Variants in VEPH1 observed in about 807,000 individuals in gnomAD.
The protein encoded by VEPH1 is ventricular zone-expressed PH domain-containing protein homolog 1.
Under a neutral mutation model 85.2 loss-of-function variants are expected in VEPH1, and 80 were observed. The observed-to-expected ratio is 0.94, with a 90% CI of 0.78 to 1.13. VEPH1 has a LOEUF of 1.13. Among genes scored for constraint, VEPH1 ranks in the 50% most tolerant of loss-of-function variants. The pLI, the probability that VEPH1 is intolerant of heterozygous loss-of-function variation, is 0.00. For missense variants in VEPH1, 955 were observed against 980.5 expected, an observed-to-expected ratio of 0.97 and a Z score of 0.35; for synonymous variants, 297 against 348.0, an observed-to-expected ratio of 0.85 and a Z score of 1.63.
intron 4 of VEPH1, chr3:157,437,917 A>T: frequency 6.5e-7 from 1 of 1,527,416 alleles, no homozygotes; most frequent in Non-Finnish European, 8.7e-7. Flanking sequence ...GCCGGCAGGT[A>T]AGGAGGCAAG....
chr3:157,273,272 G>C (rs1163141599), intron 12 of VEPH1, among the ~76,000 whole-genome samples: 2 of 152,184 alleles, frequency 1.3e-5, no homozygotes, highest in African/African-American at 4.8e-5. Flanking sequence ...GCACATGCCA[G>C]GTAAAGGGGA....
chr3:157,463,610 G>A (rs1033904886), intron 3 of VEPH1, among the ~76,000 whole-genome samples: 1 of 152,122 alleles, frequency 6.6e-6, no homozygotes, highest in Non-Finnish European at 1.5e-5. Context: ...TTCCCCAGAG[G>A]TTAGTGCTCA....
At chr3:157,415,073 T>C (rs1454701452) in intron 5 of VEPH1, 1 of 152,238 alleles carries the variant, frequency 6.6e-6, no homozygotes, top group Non-Finnish European at 1.5e-5. Flanking sequence ...CCTTTTCTCA[T>C]AAATGACACC....
chr3:157,300,531 A>G (rs1253991844), intron 11 of VEPH1, among the ~76,000 whole-genome samples: 2 of 152,218 alleles, frequency 1.3e-5, no homozygotes, highest in Non-Finnish European at 2.9e-5. Flanking sequence ...TAAATTTGTT[A>G]AAAAAGCATA....
At chr3:157,317,608 C>G (rs1178112796) in intron 9 of VEPH1, among the ~76,000 whole-genome samples, 1 of 152,158 alleles carries the variant, frequency 6.6e-6, no homozygotes, top group Non-Finnish European at 1.5e-5. Flanking sequence ...ATGCTGTTCT[C>G]TTGGTTGTGC....
At chr3:157,371,125 T>A (rs771348636) in intron 7 of VEPH1, among the ~76,000 whole-genome samples, 1 of 152,206 alleles carries the variant, frequency 6.6e-6, no homozygotes, top group African/African-American at 2.4e-5. Context: ...CTAGAAGATA[T>A]GCTTTTCCTG....
At chr3:157,432,006 C>T (rs1040928448) in intron 4 of VEPH1, among the ~76,000 whole-genome samples, 3 of 151,868 alleles carry the variant, frequency 2.0e-5, no homozygotes, top group African/African-American at 7.3e-5. Context: ...TGCCAACACA[C>T]CCAGCTAATT....
intron 10 of VEPH1, among the ~76,000 whole-genome samples, chr3:157,314,045 A>G (rs562360506): frequency 1.3e-3 from 194 of 152,120 alleles, no homozygotes; most frequent in Non-Finnish European, 2.2e-3. Flanking sequence ...TAAAAAAATT[A>G]AACGAGGCCG....
intron 2 of VEPH1, among the ~76,000 whole-genome samples, chr3:157,476,318 C>A (rs777345225): frequency 6.6e-6 from 1 of 152,238 alleles, no homozygotes; most frequent in African/African-American, 2.4e-5. Flanking sequence ...GGAATTTACA[C>A]GTAATCCAGG....
rs1262592663 is a variant in VEPH1, at chr3:157,262,292, C to A, written c.2266-922G>T. On this transcript the variant is annotated intron_variant, in intron 13 of 13. Transcript: ENST00000362010. ...TCCTCATCTATTTCATTATGAGATA[C>A]ATTTTCAATAATATTTCAATTTTTA... 5.3e-5 allele frequency among the ~76,000 whole-genome samples: 8 copies of A among 152,228 alleles called. 1 individual carries two copies. In the South Asian group the frequency reaches 1.7e-3, roughly 32 times the overall value.
At chr3:157,385,204 G>A (rs1577521248) in intron 6 of VEPH1, among the ~76,000 whole-genome samples, 1 of 136,106 alleles carries the variant, frequency 7.3e-6, no homozygotes, top group Non-Finnish European at 1.5e-5. Context: ...TTGCTATACT[G>A]CCAGCTCCTC....
chr3:157,392,379 T>C (rs749863156), intron 6 of VEPH1, among the ~76,000 whole-genome samples: 20 of 152,188 alleles, frequency 1.3e-4, no homozygotes, highest in Non-Finnish European at 2.4e-4. Context: ...ATAAGACTTA[T>C]TCACTATCAC....
intron 6 of VEPH1, among the ~76,000 whole-genome samples, chr3:157,398,137 G>T (rs1225989540): frequency 6.6e-6 from 1 of 152,148 alleles, no homozygotes; most frequent in Non-Finnish European, 1.5e-5. Context: ...ACTTATTTGT[G>T]TTCTCACAAC....
intron 6 of VEPH1, among the ~76,000 whole-genome samples, chr3:157,402,553 A>G (rs1017983778): frequency 2.0e-5 from 3 of 152,180 alleles, no homozygotes; most frequent in African/African-American, 7.2e-5. Context: ...AGAGATTTCA[A>G]TGAAGCAAGA....
chr3:157,456,074 T>G (rs6793548), intron 4 of VEPH1, among the ~76,000 whole-genome samples: 5,818 of 152,084 alleles, frequency 0.038, 366 homozygotes, highest in African/African-American at 0.13. Flanking sequence ...TAATACACTG[T>G]TGTGAGATGG....
chr3:157,419,643 A>G (rs1292020300), intron 5 of VEPH1, among the ~76,000 whole-genome samples: 1 of 152,194 alleles, frequency 6.6e-6, no homozygotes, highest in Non-Finnish European at 1.5e-5. Context: ...CGCCAGTCAG[A>G]ATAGTGATTA....
chr3:157,280,265 C>T (rs1715932982), intron 12 of VEPH1, among the ~76,000 whole-genome samples: 1 of 152,184 alleles, frequency 6.6e-6, no homozygotes, highest in Admixed American at 6.5e-5. Flanking sequence ...TCACATTAGT[C>T]TGCCTTTCCA....
intron 6 of VEPH1, among the ~76,000 whole-genome samples, chr3:157,405,104 G>A (rs1397314755): frequency 6.6e-6 from 1 of 152,090 alleles, no homozygotes; most frequent in African/African-American, 2.4e-5. Context: ...TCAAGTCTGC[G>A]GGGACCAGGC....
At chr3:157,428,531 A>G in intron 4 of VEPH1, 43 bp from the exon 5 acceptor site, 1 of 1,578,150 alleles carries the variant, frequency 6.3e-7, no homozygotes, top group Non-Finnish European at 8.7e-7. Flanking sequence ...TTATCAGGCC[A>G]TGAGCAACAG....
Sources: gnomAD v4.1 joint callset for allele counts (sites outside exome capture counted in the v4.1 genomes callset) on GRCh38, gnomAD v4.1.1 for gene constraint, MANE v1.5 for transcripts, NCBI Gene and HGNC (gene_info 2026-07-23, HGNC 2026-07-21) for gene names.